The following ZBTB44 variants were observed in gnomAD, a reference collection of about 807,000 sequenced individuals.
ZBTB44 encodes the protein zinc finger and BTB domain containing 44.
ZBTB44 carries 15 observed loss-of-function variants against 54.0 expected under a neutral mutation model. That is an observed-to-expected ratio of 0.28 (90% confidence interval 0.19 to 0.43). ZBTB44 has a LOEUF of 0.43. ZBTB44 is among the 20% of genes least tolerant of loss of function. The pLI is 1.00. For missense variants in ZBTB44, 487 were observed against 707.1 expected (o/e 0.69, Z 3.53); for synonymous variants, 230 against 250.1 (o/e 0.92, Z 0.76).
chr11:130,298,683 G>A (rs766713497), intron 1 of ZBTB44, among the ~76,000 whole-genome samples: 4 of 150,100 alleles, frequency 2.7e-5, no homozygotes, highest in Non-Finnish European at 3.0e-5. Context: ...AGCTGGTCTC[G>A]AACTCCTAAC....
intron 1 of ZBTB44, among the ~76,000 whole-genome samples, chr11:130,281,473 T>C (rs561102998): frequency 2.6e-5 from 4 of 151,876 alleles, no homozygotes; most frequent in African/African-American, 4.8e-5. Flanking sequence ...TGAGCTGTGA[T>C]TGTGCTACTG....
rs1407786256 is a variant in ZBTB44 at position 130,229,502 on chromosome 11, AATAAAAAT to A, written c.*2254_*2261del. 1 of 152,198 alleles carries A rather than the reference AATAAAAAT, an allele frequency of 6.6e-6. No homozygotes were observed. The highest frequency in any genetic ancestry group is 1.5e-5 in the Non-Finnish European group (1 of 68,022). The allele number at this position is 152,198 out of a possible 1,614,324, so 9.4% of individuals were successfully genotyped here. A position where few individuals can be genotyped will look rare whatever the true frequency, so the allele number is the denominator to read the frequency against. On this transcript the variant is annotated 3_prime_UTR_variant, in exon 8 of 8. Transcript: ENST00000357899. ...AATTCATCTTGCTGAGGACTTTCCA[AATAAAAAT>A]ACTCTGTCACCATACTGTCAAGCAA...
chr11:130,259,121 T>A (rs1018515509), intron 2 of ZBTB44, among the ~76,000 whole-genome samples: 1 of 152,178 alleles, frequency 6.6e-6, no homozygotes, highest in African/African-American at 2.4e-5. Flanking sequence ...ATAGGAAGAA[T>A]CAATATCGTG....
intron 2 of ZBTB44, among the ~76,000 whole-genome samples, chr11:130,249,339 G>A (rs1011884098): frequency 1.3e-5 from 2 of 152,126 alleles, no homozygotes; most frequent in Non-Finnish European, 2.9e-5. Flanking sequence ...GTAAAAACTT[G>A]GTTGTATCAA....
intron 2 of ZBTB44, among the ~76,000 whole-genome samples, chr11:130,243,073 CT>C (rs1202662841): frequency 6.6e-6 from 1 of 152,186 alleles, no homozygotes; most frequent in Non-Finnish European, 1.5e-5. Flanking sequence ...CCATTTGGTA[CT>C]CCTTAAATCT....
intron 2 of ZBTB44, among the ~76,000 whole-genome samples, chr11:130,252,412 T>C (rs1234084649): frequency 1.3e-5 from 2 of 152,306 alleles, no homozygotes; most frequent in Non-Finnish European, 2.9e-5. Flanking sequence ...AACTCAGCTC[T>C]GGACCAAGCA....
intron 1 of ZBTB44, among the ~76,000 whole-genome samples, chr11:130,271,877 T>G (rs2134199215): frequency 6.6e-6 from 1 of 152,274 alleles, no homozygotes; most frequent in Non-Finnish European, 1.5e-5. Context: ...CTATATTTAA[T>G]CATTTGAGAA....
In ZBTB44 at chr11:130,260,873, G is replaced by T; in HGVS notation, c.1001C>A (p.Pro334Gln). ...CATTATACCTATAGAGGAAGACTGT[G>T]GACTAATCAGAAGGTCCTCTTGGAC... ...EQVQEDLLIS[P>Q]QSSSIGSVDE... Residue 334 changes from proline (P) to glutamine (Q), a missense_variant, in exon 2 of 8, where the codon CCA becomes CAA. By Grantham distance (76) the Pro-to-Gln change is moderately conservative. Around this residue, in one of 3 missense-constraint regions of ZBTB44, gnomAD observed 277 missense variants for 306.5 expected, o/e 0.90. Transcript: ENST00000357899. 6.2e-7 allele frequency: 1 copy of T among 1,613,312 alleles called. No homozygotes were observed. The highest frequency in any genetic ancestry group is 8.5e-7 in the Non-Finnish European group (1 of 1,179,698).
intron 1 of ZBTB44, among the ~76,000 whole-genome samples, chr11:130,269,184 G>C (rs1480046631): frequency 6.6e-6 from 1 of 152,016 alleles, no homozygotes; most frequent in African/African-American, 2.4e-5. Context: ...AGCTAGTCGG[G>C]AGGCTGAGGC....
intron 1 of ZBTB44, among the ~76,000 whole-genome samples, chr11:130,269,627 CA>C (rs1939526351): frequency 6.6e-6 from 1 of 151,982 alleles, no homozygotes; most frequent in East Asian, 1.9e-4. Flanking sequence ...TTTTTTTTTA[CA>C]GTTGGGTTGA....
At chr11:130,314,314 A>T (rs967606411) in intron 1 of ZBTB44, 61 bp downstream of exon 1, 1 of 152,506 alleles carries the variant, frequency 6.6e-6, no homozygotes, top group Admixed American at 6.5e-5. Context: ...GGTGTCAGCC[A>T]CGGGCAGCGT....
At chr11:130,308,141 G>A (rs757813056) in intron 1 of ZBTB44, among the ~76,000 whole-genome samples, 1 of 152,212 alleles carries the variant, frequency 6.6e-6, no homozygotes, top group Admixed American at 6.5e-5. Context: ...ATGCTGTACA[G>A]ATACGTGGCC....
intron 1 of ZBTB44, among the ~76,000 whole-genome samples, chr11:130,266,122 G>T (rs145747118): frequency 6.6e-6 from 1 of 152,196 alleles, no homozygotes; most frequent in African/African-American, 2.4e-5. Context: ...AATGCAGCTG[G>T]TGACTTAACT....
At chr11:130,282,948 G>A (rs1940636464) in intron 1 of ZBTB44, among the ~76,000 whole-genome samples, 2 of 151,226 alleles carry the variant, frequency 1.3e-5, no homozygotes, top group African/African-American at 2.4e-5. Context: ...AAGTAGCTGG[G>A]ACTACAGGTC....
chr11:130,246,067 A>G (rs1280686016), intron 2 of ZBTB44, among the ~76,000 whole-genome samples: 1 of 152,214 alleles, frequency 6.6e-6, no homozygotes, highest in Non-Finnish European at 1.5e-5. Context: ...AGCCACTCCA[A>G]GCTAAAATGA....
chr11:130,250,066 T>G (rs1438176506), intron 2 of ZBTB44, among the ~76,000 whole-genome samples: 1 of 152,196 alleles, frequency 6.6e-6, no homozygotes, highest in Non-Finnish European at 1.5e-5. Flanking sequence ...CCTGGGACGA[T>G]CAAGCTTGGT....
chr11:130,276,242 A>AAAAAAAAAAAAAAAAAAG (rs59112840), intron 1 of ZBTB44, among the ~76,000 whole-genome samples: 1,036 of 94,284 alleles, frequency 0.011, 60 homozygotes, highest in Middle Eastern at 0.019. Flanking sequence ...CAAAAAAAAA[A>AAAAAAAAAAAAAAAAAAG]AAAAGAAAAA....
chr11:130,241,862 A>C lies in ZBTB44; in HGVS notation c.1019-1966T>G, dbSNP rs185875417. 3.6e-3 allele frequency among the ~76,000 whole-genome samples: 543 copies of C among 152,276 alleles called. 5 individuals are homozygous for C. The highest frequency in any genetic ancestry group is 3.8e-3 in the Non-Finnish European group (256 of 68,022). On this transcript the variant is annotated intron_variant, in intron 2 of 7. Transcript: ENST00000357899. ...TGACTTTGTGACCGAATGTCATGAA[A>C]GGTCTGCCTTCTCTGCTCTGCAGTG...
intron 1 of ZBTB44, among the ~76,000 whole-genome samples, chr11:130,288,821 C>G (rs891747962): frequency 1.3e-5 from 2 of 151,550 alleles, no homozygotes; most frequent in Non-Finnish European, 2.9e-5. Flanking sequence ...CGCTTGAACC[C>G]GGGAGGCGGA....
Sources: gnomAD v4.1 joint callset for allele counts (sites outside exome capture counted in the v4.1 genomes callset) on GRCh38, gnomAD v4.1.1 for gene constraint, gnomAD v4.1.1 regional missense constraint, MANE v1.5 for transcripts, NCBI Gene and HGNC (gene_info 2026-07-23, HGNC 2026-07-21) for gene names.